MYT1L: variants seen among roughly 807,000 people sequenced by gnomAD.
The protein encoded by MYT1L is myelin transcription factor 1 like.
MYT1L carries 12 observed loss-of-function variants against 126.7 expected under a neutral mutation model. The observed-to-expected ratio is 0.09, with a 90% CI of 0.06 to 0.15. The LOEUF (loss-of-function observed/expected upper bound fraction) is 0.15. Ranked by LOEUF, MYT1L falls within the 10% of genes least tolerant of loss-of-function variation. The probability of loss-of-function intolerance (pLI) is 1.00; values close to 1 mark genes in which losing one functional copy is unlikely to be tolerated. For synonymous variants in MYT1L, 541 were observed against 604.2 expected (o/e 0.90, Z 1.53); for missense variants, 979 against 1,585.2 (o/e 0.62, Z 6.49).
At chr2:1,970,427 C>G (rs2059722988) in intron 8 of MYT1L, among the ~76,000 whole-genome samples, 1 of 152,186 alleles carries the variant, frequency 6.6e-6, no homozygotes, top group South Asian at 2.1e-4. Flanking sequence ...ACTTTCAGCC[C>G]CAGCCCCCAT....
intron 21 of MYT1L, among the ~76,000 whole-genome samples, chr2:1,835,890 T>G (rs2148338978): frequency 1.3e-5 from 2 of 152,296 alleles, no homozygotes; most frequent in East Asian, 3.9e-4. Flanking sequence ...CATTTCAATC[T>G]CTGCATACAC....
At chr2:2,104,773 G>A (rs1231503320) in intron 3 of MYT1L, among the ~76,000 whole-genome samples, 2 of 152,176 alleles carry the variant, frequency 1.3e-5, no homozygotes, top group Non-Finnish European at 1.5e-5. Flanking sequence ...GGCACTGGGG[G>A]ACTCTGAGGG....
intron 14 of MYT1L, among the ~76,000 whole-genome samples, chr2:1,894,219 C>T (rs1558307151): frequency 1.3e-5 from 2 of 152,242 alleles, no homozygotes; most frequent in African/African-American, 4.8e-5. Context: ...CCTCCCTTCT[C>T]TCTACTTTGG....
intron 5 of MYT1L, among the ~76,000 whole-genome samples, chr2:1,982,054 A>G (rs751641201): frequency 6.6e-6 from 1 of 152,224 alleles, no homozygotes; most frequent in Non-Finnish European, 1.5e-5. Flanking sequence ...ACATTTAACT[A>G]AATAGCACCA....
intron 4 of MYT1L, among the ~76,000 whole-genome samples, chr2:2,050,567 C>T (rs185417623): frequency 7.2e-5 from 11 of 152,196 alleles, no homozygotes; most frequent in South Asian, 6.2e-4. Context: ...TTGGGACACA[C>T]GAGGACAGAA....
At chr2:2,005,673 TGC>T (rs2063216223) in intron 4 of MYT1L, among the ~76,000 whole-genome samples, 1 of 150,978 alleles carries the variant, frequency 6.6e-6, no homozygotes, top group African/African-American at 2.4e-5. Flanking sequence ...CTTTCCTGCA[TGC>T]GTTCTTTCCT....
intron 2 of MYT1L, among the ~76,000 whole-genome samples, chr2:2,271,137 ACTGACAAGTAACC>A (rs1185250977): frequency 6.6e-6 from 1 of 152,154 alleles, no homozygotes; most frequent in Non-Finnish European, 1.5e-5. Context: ...CTAGCAAGGA[ACTGACAAGTAACC>A]CTTTTGTTTT....
chr2:1,826,583 T>C (rs13018045), intron 21 of MYT1L, among the ~76,000 whole-genome samples: 42,038 of 152,034 alleles, frequency 0.28, 6,260 homozygotes, highest in East Asian at 0.59. Flanking sequence ...TCCCTCCCAA[T>C]TGCTTCCCGT....
At position 1,848,397 on chromosome 2, in the gene MYT1L, C is replaced by T. The variant is rs574298289; in HGVS notation, c.2774+3244G>A. Among the ~76,000 whole-genome samples, 5 of 151,928 alleles carry T rather than the reference C, an allele frequency of 3.3e-5. No homozygotes were observed. Among genetic ancestry groups the T allele is most frequent in the East Asian group, 2.0e-4 (1 of 5,128 alleles). On this transcript the variant is annotated intron_variant, in intron 19 of 24. Transcript: ENST00000647738. The surrounding 1 kb of genome is among the most constrained non-coding windows in gnomAD (Gnocchi z 4.8). ...GAGAATTCCAGACACCACAGGTGCGCGAGGCGGATCTGTGCTCTGAACAGG... is the reference window on the plus strand; with the variant it reads ...GAGAATTCCAGACACCACAGGTGCGTGAGGCGGATCTGTGCTCTGAACAGG...
At chr2:2,264,845 A>T (rs1301335870) in intron 2 of MYT1L, among the ~76,000 whole-genome samples, 2 of 152,170 alleles carry the variant, frequency 1.3e-5, no homozygotes, top group African/African-American at 4.8e-5. Context: ...CAATTCAGCA[A>T]CTTTTTTTAA....
At chr2:1,869,872 T>C (rs2046058988) in intron 18 of MYT1L, among the ~76,000 whole-genome samples, 2 of 152,200 alleles carry the variant, frequency 1.3e-5, no homozygotes, top group South Asian at 4.1e-4. Flanking sequence ...CAGTGTCTGC[T>C]CACTATACCA....
At chr2:1,844,079 G>A (rs77163073) in intron 19 of MYT1L, among the ~76,000 whole-genome samples, 13,231 of 152,160 alleles carry the variant, frequency 0.087, 1,000 homozygotes, top group African/African-American at 0.2. Flanking sequence ...GCCTGTGCTT[G>A]GAGGGGTGTG....
chr2:1,941,791 T>C (rs2056684550), intron 9 of MYT1L, among the ~76,000 whole-genome samples: 1 of 152,226 alleles, frequency 6.6e-6, no homozygotes, highest in Non-Finnish European at 1.5e-5. Flanking sequence ...TGTGTATATA[T>C]GTACATGTAA....
chr2:1,990,090 T>G (rs146656681), intron 5 of MYT1L, among the ~76,000 whole-genome samples: 119 of 152,320 alleles, frequency 7.8e-4, no homozygotes, highest in African/African-American at 2.5e-3. Flanking sequence ...TAGTATGAAA[T>G]AAAAATCATC....
chr2:2,300,536 A>G (rs2095766574), intron 1 of MYT1L, among the ~76,000 whole-genome samples: 1 of 152,222 alleles, frequency 6.6e-6, no homozygotes, highest in South Asian at 2.1e-4. Flanking sequence ...GGTAATTTAC[A>G]TAGTCACATT....
chr2:2,135,158 T>C (rs955555892), intron 3 of MYT1L, among the ~76,000 whole-genome samples: 3 of 152,210 alleles, frequency 2.0e-5, no homozygotes, highest in African/African-American at 7.2e-5. Flanking sequence ...CCAAATCTCA[T>C]CTTGAATTGT....
At chr2:2,007,142 A>G (rs2063413650) in intron 4 of MYT1L, among the ~76,000 whole-genome samples, 1 of 151,984 alleles carries the variant, frequency 6.6e-6, no homozygotes, top group Non-Finnish European at 1.5e-5. Flanking sequence ...TGCAATGAAC[A>G]TGGGAGTTGC....
intron 1 of MYT1L, among the ~76,000 whole-genome samples, chr2:2,290,795 TC>T (rs1487547516): frequency 2.0e-5 from 3 of 152,158 alleles, no homozygotes; most frequent in Non-Finnish European, 4.4e-5. Flanking sequence ...GGCCCAGGCA[TC>T]AGTATTTTTT....
At chr2:1,924,423 C>A (rs1051402142) in intron 9 of MYT1L, among the ~76,000 whole-genome samples, 13 of 151,972 alleles carry the variant, frequency 8.6e-5, no homozygotes, top group African/African-American at 3.1e-4. Context: ...GATTAAAAAT[C>A]CAGAGTAAGA....
Sources: gnomAD v4.1 joint callset for allele counts (sites outside exome capture counted in the v4.1 genomes callset) on GRCh38, gnomAD v4.1.1 for gene constraint, Gnocchi (gnomAD v3.1) non-coding constraint, MANE v1.5 for transcripts, NCBI Gene and HGNC (gene_info 2026-07-23, HGNC 2026-07-21) for gene names.